Variants in ARMC9 observed in about 807,000 individuals in gnomAD.
ARMC9 encodes armadillo repeat containing 9.
A neutral mutation model predicts 107.0 loss-of-function variants in ARMC9; 94 were observed. The observed-to-expected ratio is 0.88, with a 90% CI of 0.74 to 1.04. The LOEUF (loss-of-function observed/expected upper bound fraction) is 1.04, where lower values mean the gene tolerates loss of function less well. Among genes scored for constraint, ARMC9 ranks in the 50% least tolerant of loss-of-function variants. The pLI is 0.00. For missense variants in ARMC9, 942 were observed against 1,030.1 expected, an observed-to-expected ratio of 0.91 and a Z score of 1.17; for synonymous variants, 380 against 396.9, an observed-to-expected ratio of 0.96 and a Z score of 0.51.
At chr2:231,318,755 A>G (rs923726533) in intron 19 of ARMC9, among the ~76,000 whole-genome samples, 12 of 152,346 alleles carry the variant, frequency 7.9e-5, no homozygotes, top group African/African-American at 2.6e-4. Flanking sequence ...TAGTAAACGT[A>G]TCACATTTTG....
Position 231,372,995 on chromosome 2 carries a change from C to T in ARMC9, c.*1460C>T, listed in dbSNP as rs2046086626. ...CTCATCCAGGGCCGGGACCCTGGTTCATCTCGTGAATTCTTGGCAGCGGCT... is the reference window on the plus strand; with the variant it reads ...CTCATCCAGGGCCGGGACCCTGGTTTATCTCGTGAATTCTTGGCAGCGGCT... On this transcript the variant is annotated 3_prime_UTR_variant, in exon 25 of 25. Transcript: ENST00000611582. The T allele has an allele frequency of 6.6e-6, 1 of 152,218 alleles. No individual in the cohort carries two copies. Among genetic ancestry groups the T allele is most frequent in the Non-Finnish European group, 1.5e-5 (1 of 68,052 alleles). The allele number at this position is 152,218 out of a possible 1,614,324, so 9.4% of individuals were successfully genotyped here.
At chr2:231,311,943 C>A (rs182846461) in intron 19 of ARMC9, among the ~76,000 whole-genome samples, 2 of 152,208 alleles carry the variant, frequency 1.3e-5, no homozygotes, top group Admixed American at 6.5e-5. Flanking sequence ...CACCCACCCC[C>A]TCAAGTTCTT....
At chr2:231,244,236 C>G (rs1439497514) in intron 9 of ARMC9, among the ~76,000 whole-genome samples, 1 of 152,076 alleles carries the variant, frequency 6.6e-6, no homozygotes, top group African/African-American at 2.4e-5. Context: ...CAAAAGGGCC[C>G]ATTAAATCGA....
chr2:231,271,639 T>C (rs1441259971), intron 13 of ARMC9, among the ~76,000 whole-genome samples: 1 of 152,244 alleles, frequency 6.6e-6, no homozygotes, highest in East Asian at 1.9e-4. Context: ...GTTTTCAAAT[T>C]ATGAATATAT....
At chr2:231,327,482 G>A (rs755125588) in intron 19 of ARMC9, among the ~76,000 whole-genome samples, 2 of 152,088 alleles carry the variant, frequency 1.3e-5, no homozygotes, top group African/African-American at 4.8e-5. Flanking sequence ...ATCATTCTCC[G>A]GAGATCCATC....
At chr2:231,262,809 T>C (rs2038499540) in intron 12 of ARMC9, among the ~76,000 whole-genome samples, 1 of 152,198 alleles carries the variant, frequency 6.6e-6, no homozygotes. Context: ...ATAGGTCTAC[T>C]GATCCTGTGG....
chr2:231,205,325 G>T (rs1439573041), intron 1 of ARMC9, among the ~76,000 whole-genome samples: 2 of 152,052 alleles, frequency 1.3e-5, no homozygotes, highest in Non-Finnish European at 2.9e-5. Context: ...AGCTATGATT[G>T]CACCATTGCA....
At chr2:231,306,470 A>G (rs2042039896) in intron 19 of ARMC9, among the ~76,000 whole-genome samples, 1 of 152,214 alleles carries the variant, frequency 6.6e-6, no homozygotes, top group African/African-American at 2.4e-5. Context: ...AGAACAGTAT[A>G]ATGGCCAAAT....
chr2:231,244,625 C>G (rs1219567362), intron 9 of ARMC9, among the ~76,000 whole-genome samples: 1 of 152,190 alleles, frequency 6.6e-6, no homozygotes, highest in Non-Finnish European at 1.5e-5. Context: ...CCACTTTGGC[C>G]TCCCAAAATG....
Position 231,362,359 on chromosome 2 carries a change from C to A in ARMC9, c.2261+1476C>A, listed in dbSNP as rs538483900. ...TTCAGCCAGGCCAAACCTACGCTTC[C>A]GGTATAGGCCACTTCTTTTTACTTC... On this transcript the variant is annotated intron_variant, in intron 23 of 24. Transcript: ENST00000611582. This position sits in a 1 kb window ranked among gnomAD's most constrained non-coding sequence, Gnocchi z 4.7. 6.6e-6 allele frequency among the ~76,000 whole-genome samples: 1 copy of A among 151,948 alleles called. No homozygotes were observed. Among genetic ancestry groups the A allele is most frequent in the Non-Finnish European group, 1.5e-5 (1 of 67,900 alleles).
chr2:231,335,166 A>G (rs1023645994), intron 20 of ARMC9, among the ~76,000 whole-genome samples: 1 of 152,238 alleles, frequency 6.6e-6, no homozygotes, highest in Non-Finnish European at 1.5e-5. Context: ...CCAAACAGAT[A>G]AAACTGCTCT....
At chr2:231,352,407 C>A (rs984930712) in intron 21 of ARMC9, among the ~76,000 whole-genome samples, 2 of 152,016 alleles carry the variant, frequency 1.3e-5, no homozygotes, top group Non-Finnish European at 2.9e-5. Flanking sequence ...ATTCTCCTTT[C>A]TCCTGTCTCA....
intron 14 of ARMC9, among the ~76,000 whole-genome samples, chr2:231,273,913 C>T (rs1234407937): frequency 2.0e-5 from 3 of 152,138 alleles, no homozygotes; most frequent in Admixed American, 6.5e-5. Context: ...TCATTCCTAC[C>T]CCCAGTCCCC....
intron 21 of ARMC9, among the ~76,000 whole-genome samples, chr2:231,349,939 A>G (rs1019125516): frequency 1.3e-5 from 2 of 152,086 alleles, no homozygotes; most frequent in African/African-American, 4.8e-5. Flanking sequence ...TCCATTCTCC[A>G]TGATGTGATT....
Position 231,297,009 on chromosome 2 carries a change from A to T in ARMC9, c.1773+756A>T, listed in dbSNP as rs1045526765. On this transcript the variant is annotated intron_variant, in intron 19 of 24. Transcript: ENST00000611582. This position sits in a 1 kb window ranked among gnomAD's most constrained non-coding sequence, Gnocchi z 4.2. ...TTTTGGGGGGAGCATTCACTGAAAA[A>T]GTGGATGTCAGAGGATGTTTTTTTG... Among the ~76,000 whole-genome samples, 7 of 152,184 alleles carry T rather than the reference A, an allele frequency of 4.6e-5. No homozygotes were observed. The highest frequency in any genetic ancestry group is 1.0e-4 in the Non-Finnish European group (7 of 68,036).
intron 19 of ARMC9, among the ~76,000 whole-genome samples, chr2:231,303,159 G>T (rs2041857904): frequency 6.6e-6 from 1 of 152,148 alleles, no homozygotes; most frequent in Admixed American, 6.5e-5. Flanking sequence ...TATTGAACTT[G>T]TATCCTACAA....
rs183596154 is a variant in ARMC9 at position 231,221,551 on chromosome 2, G to A, written c.505-1177G>A. Among the ~76,000 whole-genome samples the A allele has an allele frequency of 5.3e-5, 8 of 151,966 alleles. No individual in the cohort carries two copies. The East Asian group carries it at 7.7e-4, about 15-fold the overall frequency. On this transcript the variant is annotated intron_variant, in intron 5 of 24. Coordinates refer to ENST00000611582, the MANE Select transcript of ARMC9 (RefSeq NM_001352754.2). ...TTAAAAATATAAGAACTCTCTGGTC[G>A]GGCATGGTGGCTCATGCCTGTAATC... is the stretch of plus-strand genomic sequence containing the variant.
At chr2:231,269,956 T>C (rs2039181169) in intron 12 of ARMC9, among the ~76,000 whole-genome samples, 1 of 144,362 alleles carries the variant, frequency 6.9e-6, no homozygotes, top group African/African-American at 2.6e-5. Flanking sequence ...AATGAGAGAT[T>C]TGGAGTGAAG....
intron 12 of ARMC9, 86 bp downstream of exon 12, chr2:231,262,484 C>T (rs2038461317): frequency 7.7e-7 from 1 of 1,293,796 alleles, no homozygotes; most frequent in Admixed American, 1.7e-5. Flanking sequence ...TATAATTTCT[C>T]TGCACATTTT....
Sources: gnomAD v4.1 joint callset for allele counts (sites outside exome capture counted in the v4.1 genomes callset) on GRCh38, gnomAD v4.1.1 for gene constraint, Gnocchi (gnomAD v3.1) non-coding constraint, MANE v1.5 for transcripts, NCBI Gene and HGNC (gene_info 2026-07-23, HGNC 2026-07-21) for gene names.